Variants in JADE3 observed in about 807,000 individuals in gnomAD.
JADE3 encodes the protein jade family PHD finger 3, also known as protein Jade-3.
Under a neutral mutation model 50.1 loss-of-function variants are expected in JADE3, and 2 were observed. That is an observed-to-expected ratio of 0.04 (90% CI 0.02 to 0.13). The LOEUF is 0.13. Among genes scored for constraint, JADE3 ranks in the 10% least tolerant of loss-of-function variants. The pLI is 1.00. For synonymous variants in JADE3, 218 were observed against 232.9 expected (o/e 0.94, Z 0.58); for missense variants, 475 against 634.4 (o/e 0.75, Z 2.70).
intron 1 of JADE3, among the ~76,000 whole-genome samples, chrX:46,964,746 A>T (rs147237148): frequency 8.9e-6 from 1 of 112,891 alleles, no homozygotes; most frequent in Non-Finnish European, 1.9e-5. Flanking sequence ...GTGTGTTCCA[A>T]TAAAAGTTTA....
chrX:46,977,574 G>A (rs1602392883), intron 1 of JADE3, among the ~76,000 whole-genome samples: 1 of 112,058 alleles, frequency 8.9e-6, no homozygotes, highest in East Asian at 2.8e-4. Flanking sequence ...CTGTACAAAA[G>A]ATCTCTAGGA....
intron 8 of JADE3, among the ~76,000 whole-genome samples, chrX:47,052,160 T>A (rs1929523013): frequency 9.0e-6 from 1 of 111,372 alleles, no homozygotes; most frequent in Middle Eastern, 4.7e-3. Context: ...TAATTAAGGC[T>A]AACTGAAGCA....
intron 1 of JADE3, among the ~76,000 whole-genome samples, chrX:46,922,320 G>A (rs371204010): frequency 9.0e-6 from 1 of 111,396 alleles, no homozygotes; most frequent in East Asian, 2.8e-4. Context: ...ATGCCTAATT[G>A]TGGCTTTTAA....
In JADE3 at chrX:46,932,820, C is replaced by T. The variant is rs782300267; in HGVS notation, c.-12+20101C>T. 2.4e-4 allele frequency among the ~76,000 whole-genome samples: 27 copies of T among 111,861 alleles called. No homozygotes were observed. In the South Asian group the frequency reaches 0.01, roughly 42 times the overall value. ...GGGACTTCTCTCACAAAATGAGAAA[C>T]TAATGTTCCTTCCTATCATGTTATT... On this transcript the variant is annotated intron_variant, in intron 1 of 10. Transcript: ENST00000614628.
intron 1 of JADE3, among the ~76,000 whole-genome samples, chrX:46,923,393 C>CTCTTTTTT (rs1556338199): frequency 1.7e-4 from 2 of 11,527 alleles, no homozygotes; most frequent in African/African-American, 4.0e-4. Flanking sequence ...CTCTCTCTCT[C>CTCTTTTTT]TTTTTTTTTT....
chrX:47,024,816 T>C lies in JADE3; in HGVS notation c.377T>C (p.Ile126Thr). ...CCAGACACCACAGAGCCTGGCTACA[T>C]CAACATCATGGAGTTGGCAGCATCT... ...SSPDTTEPGY[I>T]NIMELAASVC... The change falls in exon 5 of 11, where the codon ATC becomes ACC. Residue 126 changes from isoleucine (I) to threonine (T), a missense_variant. Ile to Thr is a moderately conservative substitution (Grantham distance 89, BLOSUM62 -1). This residue lies in a region of JADE3 where 54 missense variants were observed against 51.8 expected (regional missense o/e 1.04). Transcript: ENST00000614628. 8.4e-7 allele frequency: 1 copy of C among 1,197,028 alleles called. No individual in the cohort carries two copies.
rs192810673 is a variant in JADE3, at chrX:47,001,459, C to T, written c.284+3182C>T. On this transcript the variant is annotated intron_variant, in intron 4 of 10. Coordinates refer to ENST00000614628, the MANE Select transcript of JADE3 (RefSeq NM_014735.5). ...GAAATCTCCATACTTTTATCATCTT[C>T]CTTGGATTTCTCTTTTGGCTTTCAA... Among the ~76,000 whole-genome samples the T allele has an allele frequency of 1.8e-3, 200 of 111,762 alleles. 1 individual carries two copies. Among genetic ancestry groups the T allele is most frequent in the Middle Eastern group, 0.014 (3 of 215 alleles).
intron 4 of JADE3, among the ~76,000 whole-genome samples, chrX:47,011,242 T>C (rs1221026435): frequency 4.4e-5 from 5 of 112,654 alleles, no homozygotes; most frequent in Non-Finnish European, 9.4e-5. Flanking sequence ...AATCATACAA[T>C]GTATGGCATT....
At chrX:46,929,071 T>C (rs1354438959) in intron 1 of JADE3, among the ~76,000 whole-genome samples, 2 of 111,731 alleles carry the variant, frequency 1.8e-5, no homozygotes, top group African/African-American at 6.5e-5. Flanking sequence ...GGCTTCAGAG[T>C]GTAGATTGCA....
At chrX:47,041,270 T>C (rs184409852) in intron 8 of JADE3, among the ~76,000 whole-genome samples, 5 of 112,245 alleles carry the variant, frequency 4.5e-5, no homozygotes, top group Non-Finnish European at 7.5e-5. Flanking sequence ...ATTTGTGATA[T>C]GCATTTCCCC....
chrX:46,923,101 C>T (rs1003327410), intron 1 of JADE3, among the ~76,000 whole-genome samples: 6 of 110,249 alleles, frequency 5.4e-5, no homozygotes, highest in Non-Finnish European at 9.5e-5. Context: ...CAGCCTCGAC[C>T]TCCTGGGCTC....
At chrX:46,994,110 A>G (rs1928071854) in intron 3 of JADE3, among the ~76,000 whole-genome samples, 1 of 112,295 alleles carries the variant, frequency 8.9e-6, no homozygotes, top group Admixed American at 9.5e-5. Flanking sequence ...TTCCTATGAA[A>G]AATGTCACAC....
chrX:46,917,855 CAT>C (rs1254538603), intron 1 of JADE3, among the ~76,000 whole-genome samples: 4 of 25,712 alleles, frequency 1.6e-4, no homozygotes, highest in Non-Finnish European at 4.1e-4. Context: ...CTCTCTCTCT[CAT>C]CCTCTCTCTC....
chrX:46,915,293 G>A (rs1926057728), intron 1 of JADE3, among the ~76,000 whole-genome samples: 1 of 112,079 alleles, frequency 8.9e-6, no homozygotes, highest in Non-Finnish European at 1.9e-5. Flanking sequence ...TCCTTGTGGA[G>A]CTTACACAAA....
At chrX:46,965,349 T>G (rs1927345548) in intron 1 of JADE3, among the ~76,000 whole-genome samples, 1 of 111,492 alleles carries the variant, frequency 9.0e-6, no homozygotes, top group South Asian at 3.8e-4. Flanking sequence ...GACAAATGTA[T>G]TATTGGCTCA....
At chrX:46,918,917 T>C (rs1926163033) in intron 1 of JADE3, among the ~76,000 whole-genome samples, 1 of 112,601 alleles carries the variant, frequency 8.9e-6, no homozygotes, top group Admixed American at 9.4e-5. Context: ...CCCAGAGTCA[T>C]TGTGGGTGGT....
intron 4 of JADE3, among the ~76,000 whole-genome samples, chrX:47,000,937 A>G (rs1218083795): frequency 2.7e-5 from 3 of 112,006 alleles, no homozygotes; most frequent in Non-Finnish European, 3.8e-5. Context: ...GTGTGGCTTC[A>G]GTGCTCTATT....
At chrX:46,950,951 T>A (rs1461954635) in intron 1 of JADE3, among the ~76,000 whole-genome samples, 1 of 111,682 alleles carries the variant, frequency 9.0e-6, no homozygotes, top group Non-Finnish European at 1.9e-5. Flanking sequence ...GTCTGTTTCT[T>A]CAGTTCTTTG....
At chrX:46,952,654 C>G (rs1556345451) in intron 1 of JADE3, among the ~76,000 whole-genome samples, 1 of 112,045 alleles carries the variant, frequency 8.9e-6, no homozygotes, top group Non-Finnish European at 1.9e-5. Context: ...TCACAATACA[C>G]TGCCTCTAGG....
Sources: allele counts gnomAD v4.1 joint callset (sites outside exome capture counted in the v4.1 genomes callset), GRCh38; gene constraint gnomAD v4.1.1; regional missense constraint gnomAD v4.1.1; transcripts MANE v1.5; gene names NCBI Gene and HGNC (gene_info 2026-07-23, HGNC 2026-07-21).